FSTL5: variants seen among roughly 807,000 people sequenced by gnomAD.
FSTL5 encodes follistatin-related protein 5.
A neutral mutation model predicts 89.1 loss-of-function variants in FSTL5; 62 were observed. The ratio of observed to expected loss-of-function variants is 0.70; its 90% CI spans 0.57 to 0.86. The LOEUF (loss-of-function observed/expected upper bound fraction) is 0.86. Ranked by LOEUF, FSTL5 falls within the 40% of genes least tolerant of loss-of-function variation. The pLI is 0.00. For missense variants in FSTL5, 1,057 were observed against 1,001.6 expected (o/e 1.06, Z -0.75); for synonymous variants, 383 against 346.2 (o/e 1.11, Z -1.18).
chr4:161,488,973 T>C (rs531555697), intron 12 of FSTL5, among the ~76,000 whole-genome samples: 9 of 152,248 alleles, frequency 5.9e-5, no homozygotes, highest in Non-Finnish European at 1.3e-4. Context: ...CTCATTTCTT[T>C]ACCTGAAAAT....
At chr4:161,468,889 T>C (rs1053390485) in intron 13 of FSTL5, among the ~76,000 whole-genome samples, 1 of 152,168 alleles carries the variant, frequency 6.6e-6, no homozygotes, top group Non-Finnish European at 1.5e-5. Flanking sequence ...ATTTATCTAT[T>C]TCATTAGTAT....
intron 5 of FSTL5, among the ~76,000 whole-genome samples, chr4:161,760,344 C>G (rs533183459): frequency 6.6e-6 from 1 of 152,150 alleles, no homozygotes; most frequent in African/African-American, 2.4e-5. Context: ...TTCATACTCT[C>G]TCACATACAA....
At chr4:161,490,789 T>C (rs2126469268) in intron 12 of FSTL5, among the ~76,000 whole-genome samples, 1 of 152,290 alleles carries the variant, frequency 6.6e-6, no homozygotes, top group East Asian at 1.9e-4. Flanking sequence ...AAATTTGTTC[T>C]ACATAAGAAT....
chr4:162,041,334 T>C (rs1737948059), intron 2 of FSTL5, among the ~76,000 whole-genome samples: 3 of 150,236 alleles, frequency 2.0e-5, no homozygotes, highest in Admixed American at 6.7e-5. Flanking sequence ...AAACAGCAAA[T>C]AGTGTTGTTG....
chr4:161,973,669 G>C (rs947915717), intron 3 of FSTL5, among the ~76,000 whole-genome samples: 1 of 152,036 alleles, frequency 6.6e-6, no homozygotes, highest in Non-Finnish European at 1.5e-5. Flanking sequence ...TCCCACTTGC[G>C]GTGATGTTAG....
At chr4:162,024,653 T>C (rs1268173151) in intron 3 of FSTL5, among the ~76,000 whole-genome samples, 1 of 152,100 alleles carries the variant, frequency 6.6e-6, no homozygotes, top group African/African-American at 2.4e-5. Flanking sequence ...TAAATTCCTT[T>C]ATTTATTTAT....
chr4:161,620,394 T>A (rs1735079121), intron 7 of FSTL5, among the ~76,000 whole-genome samples: 1 of 152,050 alleles, frequency 6.6e-6, no homozygotes, highest in Non-Finnish European at 1.5e-5. Flanking sequence ...GTGGCTTACA[T>A]CTGTAATCCC....
chr4:161,475,371 C>T (rs1199197648), intron 13 of FSTL5, among the ~76,000 whole-genome samples: 1 of 152,156 alleles, frequency 6.6e-6, no homozygotes, highest in African/African-American at 2.4e-5. Context: ...CCTTCTGGGA[C>T]TGCCGCAGTG....
At chr4:161,574,723 T>C (rs908407793) in intron 8 of FSTL5, among the ~76,000 whole-genome samples, 33 of 152,196 alleles carry the variant, frequency 2.2e-4, no homozygotes, top group African/African-American at 7.5e-4. Flanking sequence ...TAGTATTCCA[T>C]GGTGTGTATG....
chr4:161,506,130 G>A (rs1210548840), intron 11 of FSTL5, among the ~76,000 whole-genome samples: 3 of 151,366 alleles, frequency 2.0e-5, no homozygotes, highest in African/African-American at 7.3e-5. Flanking sequence ...GGCATAGAGG[G>A]CAGTGGAGCG....
chr4:161,726,912 A>AAAT (rs1553961528), intron 6 of FSTL5, among the ~76,000 whole-genome samples: 38 of 49,696 alleles, frequency 7.6e-4, no homozygotes, highest in Admixed American at 6.9e-3. Flanking sequence ...AAAAAAAAAA[A>AAAT]ATATATATAT....
chr4:161,901,699 C>T (rs745706437), intron 4 of FSTL5, among the ~76,000 whole-genome samples: 7 of 152,082 alleles, frequency 4.6e-5, no homozygotes, highest in Non-Finnish European at 5.9e-5. Context: ...TTTGGGAAGC[C>T]GAGGTGGGGC....
intron 4 of FSTL5, among the ~76,000 whole-genome samples, chr4:161,838,351 T>A (rs1057086966): frequency 2.0e-5 from 3 of 152,226 alleles, no homozygotes; most frequent in Admixed American, 2.0e-4. Flanking sequence ...TGATCTCAGA[T>A]CACTGCAACC....
intron 4 of FSTL5, among the ~76,000 whole-genome samples, chr4:161,831,862 C>T (rs539128160): frequency 2.1e-4 from 32 of 151,644 alleles, no homozygotes; most frequent in Admixed American, 1.8e-3. Flanking sequence ...AAATTTCATT[C>T]TTAGGATTTT....
At position 161,656,449 on chromosome 4, in the gene FSTL5, G is replaced by A; in HGVS notation, c.773C>T (p.Thr258Ile). ...AGCACTTTGTCCCACAGTTGCTGCAGTGATGCTTAGTTTCTGATCTTCTGG... is the reference window on the plus strand; with the variant it reads ...AGCACTTTGTCCCACAGTTGCTGCAATGATGCTTAGTTTCTGATCTTCTGG... ...SLPEDQKLSITAATVGQSAVL... is the reference protein window; with the variant it reads ...SLPEDQKLSIIAATVGQSAVL... The change falls in exon 7 of 16, where the codon ACT (threonine) becomes ATT (isoleucine). Residue 258 changes from threonine (T) to isoleucine (I), a missense_variant. Transcript: ENST00000306100. The A allele has an allele frequency of 6.2e-7, 1 of 1,605,518 alleles. No individual in the cohort carries two copies. The highest frequency in any genetic ancestry group is 8.5e-7 in the Non-Finnish European group (1 of 1,176,262).
chr4:161,525,873 G>C (rs1185997494), intron 10 of FSTL5, among the ~76,000 whole-genome samples: 1 of 152,004 alleles, frequency 6.6e-6, no homozygotes, highest in Non-Finnish European at 1.5e-5. Flanking sequence ...ATTATTTTAG[G>C]TATTTCTCTA....
intron 7 of FSTL5, among the ~76,000 whole-genome samples, chr4:161,621,651 A>G (rs751144753): frequency 1.6e-4 from 24 of 152,038 alleles, no homozygotes; most frequent in Non-Finnish European, 2.9e-4. Flanking sequence ...AACTCCCCTA[A>G]GATTCATAAA....
chr4:161,615,653 A>G (rs1734841394), intron 7 of FSTL5, among the ~76,000 whole-genome samples: 1 of 152,084 alleles, frequency 6.6e-6, no homozygotes, highest in Admixed American at 6.6e-5. Context: ...AAATCTTTAA[A>G]CACGAAAAAG....
chr4:161,637,483 C>T (rs1735765122), intron 7 of FSTL5, among the ~76,000 whole-genome samples: 1 of 151,840 alleles, frequency 6.6e-6, no homozygotes, highest in South Asian at 2.1e-4. Flanking sequence ...TCTCATTTGT[C>T]AATTTTGTCG....
Sources: allele counts gnomAD v4.1 joint callset (sites outside exome capture counted in the v4.1 genomes callset), GRCh38; gene constraint gnomAD v4.1.1; transcripts MANE v1.5; gene names NCBI Gene and HGNC (gene_info 2026-07-23, HGNC 2026-07-21).